Variants in UBE2V2 observed in about 807,000 individuals in gnomAD.
UBE2V2 encodes ubiquitin-conjugating enzyme E2 variant 2.
Under a neutral mutation model 17.2 loss-of-function variants are expected in UBE2V2, and 9 were observed. The ratio of observed to expected loss-of-function variants is 0.52; its 90% CI spans 0.32 to 0.91. The LOEUF is 0.91. Among genes scored for constraint, UBE2V2 ranks in the 40% least tolerant of loss-of-function variants. The probability of loss-of-function intolerance (pLI) is 0.04; values close to 1 mark genes in which losing one functional copy is unlikely to be tolerated. For synonymous variants in UBE2V2, 61 were observed against 57.5 expected (o/e 1.06, Z -0.28); for missense variants, 133 against 182.6 (o/e 0.73, Z 1.56).
the UBE2V2 span, among the ~76,000 whole-genome samples, chr8:47,998,608 C>A: frequency 6.6e-6 from 1 of 151,506 alleles, no homozygotes; most frequent in Non-Finnish European, 1.5e-5. Context: ...CTAGGAGATT[C>A]TCTGGGACTT....
upstream of UBE2V2, among the ~76,000 whole-genome samples, chr8:48,005,891 T>G (rs1489573204): frequency 1.3e-5 from 2 of 152,236 alleles, no homozygotes; most frequent in East Asian, 3.8e-4. Flanking sequence ...CTGTTTAAGT[T>G]CTTTGTAGAT....
chr8:47,998,921 C>A, the UBE2V2 span, among the ~76,000 whole-genome samples: 2 of 152,046 alleles, frequency 1.3e-5, no homozygotes, highest in African/African-American at 4.8e-5. Flanking sequence ...TGAGGGAGTT[C>A]TTTGGTATGG....
chr8:48,004,990 C>CT (rs1472870470), upstream of UBE2V2, among the ~76,000 whole-genome samples: 347 of 137,500 alleles, frequency 2.5e-3, 1 homozygote, highest in African/African-American at 6.8e-3. Flanking sequence ...AGAATGCCAG[C>CT]TTTTTTTTTT....
At chr8:48,014,238 T>C (rs957753008) in intron 1 of UBE2V2, among the ~76,000 whole-genome samples, 20 of 151,894 alleles carry the variant, frequency 1.3e-4, no homozygotes, top group Non-Finnish European at 2.2e-4. Flanking sequence ...TTGGCAGAGG[T>C]AAAAATGGCC....
intron 1 of UBE2V2, among the ~76,000 whole-genome samples, chr8:48,010,669 G>A (rs2091222658): frequency 6.7e-6 from 1 of 149,942 alleles, no homozygotes; most frequent in Admixed American, 6.7e-5. Context: ...TGGGATTACA[G>A]GTGTGAGCCA....
intron 1 of UBE2V2, among the ~76,000 whole-genome samples, chr8:48,023,135 G>T (rs1302412429): frequency 6.6e-6 from 1 of 151,690 alleles, no homozygotes; most frequent in Non-Finnish European, 1.5e-5. Context: ...GTTGAATCTG[G>T]TTGGAGACCC....
At chr8:48,014,222 C>T (rs181894025) in intron 1 of UBE2V2, among the ~76,000 whole-genome samples, 6 of 152,172 alleles carry the variant, frequency 3.9e-5, no homozygotes, top group East Asian at 3.9e-4. Context: ...GTCCTTTGAA[C>T]GGCAGTTGGC....
chr8:48,043,876 G>T (rs1589862275), intron 2 of UBE2V2, among the ~76,000 whole-genome samples: 1 of 150,270 alleles, frequency 6.7e-6, no homozygotes, highest in African/African-American at 2.4e-5. Flanking sequence ...TTGGGTTTAT[G>T]AAGTTTTATT....
intron 3 of UBE2V2, among the ~76,000 whole-genome samples, chr8:48,053,360 A>G (rs923534774): frequency 6.6e-6 from 1 of 151,682 alleles, no homozygotes; most frequent in Non-Finnish European, 1.5e-5. Context: ...ACCAGCATCT[A>G]TGTGTCCTTC....
the UBE2V2 span, among the ~76,000 whole-genome samples, chr8:47,997,506 C>G: frequency 6.6e-6 from 1 of 151,964 alleles, no homozygotes; most frequent in East Asian, 1.9e-4. Context: ...CCTTCTCATC[C>G]AGAAGGAGGG....
At chr8:48,023,936 C>T (rs2091322391) in intron 1 of UBE2V2, among the ~76,000 whole-genome samples, 1 of 152,050 alleles carries the variant, frequency 6.6e-6, no homozygotes, top group Admixed American at 6.6e-5. Context: ...TTCACTTTTT[C>T]AAAGGCTCTT....
At chr8:48,005,516 T>C (rs2091178076), upstream of UBE2V2, among the ~76,000 whole-genome samples, 1 of 152,236 alleles carries the variant, frequency 6.6e-6, no homozygotes, top group African/African-American at 2.4e-5. Flanking sequence ...TGATTTATAA[T>C]GCTTTGGGTA....
At chr8:48,039,825 C>G (rs1368222312) in intron 1 of UBE2V2, among the ~76,000 whole-genome samples, 1 of 151,968 alleles carries the variant, frequency 6.6e-6, no homozygotes, top group Non-Finnish European at 1.5e-5. Context: ...CTTGACCTCC[C>G]TGGGCTCAGG....
intron 1 of UBE2V2, among the ~76,000 whole-genome samples, chr8:48,022,096 T>G (rs2091309456): frequency 6.6e-6 from 1 of 152,072 alleles, no homozygotes; most frequent in Admixed American, 6.6e-5. Context: ...CCTTTATACT[T>G]TTACCCTACT....
At chr8:48,056,122 T>C (rs925204806) in intron 3 of UBE2V2, among the ~76,000 whole-genome samples, 2 of 152,224 alleles carry the variant, frequency 1.3e-5, no homozygotes, top group Non-Finnish European at 2.9e-5. Flanking sequence ...ATAGAGTATG[T>C]GTTCTTTGGC....
At chr8:48,007,706 C>T (rs1053468330), upstream of UBE2V2, among the ~76,000 whole-genome samples, 3 of 150,646 alleles carry the variant, frequency 2.0e-5, no homozygotes, top group Non-Finnish European at 2.9e-5. Context: ...TGAGCTTCGG[C>T]GCCCAGCCTG....
chr8:48,005,536 T>G (rs554986742), upstream of UBE2V2, among the ~76,000 whole-genome samples: 1 of 152,366 alleles, frequency 6.6e-6, no homozygotes, highest in Admixed American at 6.5e-5. Context: ...ATATACCCAG[T>G]AATGGGATTG....
intron 1 of UBE2V2, among the ~76,000 whole-genome samples, chr8:48,040,844 G>GTTTTTTTTTTTTTTTTTT (rs71225699): frequency 2.7e-5 from 2 of 74,130 alleles, no homozygotes; most frequent in East Asian, 4.6e-4. Context: ...GCCAGGCTGG[G>GTTTTTTTTTTTTTTTTTT]TTTTTTTTTT....
rs1344140798 is a variant in UBE2V2 at position 48,049,972 on chromosome 8, T to G, written c.285T>G (p.Ser95Arg). The change falls in exon 3 of 4, where the codon AGT (serine) becomes AGG (arginine). Residue 95 changes from serine (S) to arginine (R), a missense_variant. This residue lies in a region of UBE2V2 where 92 missense variants were observed against 124.3 expected (regional missense o/e 0.74). Coordinates refer to ENST00000523111, the MANE Select transcript of UBE2V2 (RefSeq NM_003350.3). Reference sequence around the variant, plus strand: ...ATATGAACGGAATAAATAATTCCAGTGGGATGGTAAGTTAATATAGTCATT... The same window carrying G: ...ATATGAACGGAATAAATAATTCCAGGGGGATGGTAAGTTAATATAGTCATT... ...KINMNGINNS[S>R]GMVDARSIPV... 6.5e-7 allele frequency: 1 copy of G among 1,545,914 alleles called. No homozygotes were observed. Among genetic ancestry groups the G allele is most frequent in the South Asian group, 1.2e-5 (1 of 81,404 alleles).
Sources: gnomAD v4.1 joint callset for allele counts (sites outside exome capture counted in the v4.1 genomes callset) on GRCh38, gnomAD v4.1.1 for gene constraint, gnomAD v4.1.1 regional missense constraint, MANE v1.5 for transcripts, NCBI Gene and HGNC (gene_info 2026-07-23, HGNC 2026-07-21) for gene names.